NSUN2: variants seen among roughly 807,000 people sequenced by gnomAD.
NSUN2 encodes RNA cytosine C(5)-methyltransferase NSUN2.
A neutral mutation model predicts 92.7 loss-of-function variants in NSUN2; 63 were observed. That is an observed-to-expected ratio of 0.68 (90% CI 0.56 to 0.84). The LOEUF is 0.84. NSUN2 is among the 40% of genes least tolerant of loss of function. NSUN2 has a pLI of 0.00. For missense variants in NSUN2, 989 were observed against 964.9 expected (o/e 1.02, Z -0.33); for synonymous variants, 356 against 348.3 (o/e 1.02, Z -0.25).
chr5:6,607,395 G>C lies in NSUN2; in HGVS notation c.1324-11C>G, dbSNP rs1335398820. On this transcript the variant is annotated splice_polypyrimidine_tract_variant and intron_variant, in intron 12 of 18. Transcript: ENST00000264670. ...AGATTTACCCTGAAGCTGTCATAAA[G>C]AACAATTTCATTGACACACAAAGAG... is the stretch of plus-strand genomic sequence containing the variant. The C allele has an allele frequency of 6.3e-7, 1 of 1,598,542 alleles. No homozygotes were observed. The highest frequency in any genetic ancestry group is 1.3e-5 in the African/African-American group (1 of 74,452).
rs1736685688 is a variant in NSUN2 at position 6,604,610 on chromosome 5, G to C, written c.1813C>G (p.Gln605Glu). The C allele has an allele frequency of 2.5e-6, 4 of 1,613,838 alleles. No homozygotes were observed. Among genetic ancestry groups the C allele is most frequent in the Non-Finnish European group, 3.4e-6 (4 of 1,179,892 alleles). The change falls in exon 16 of 19, where the codon CAG (glutamine) becomes GAG (glutamate). Residue 605 changes from glutamine (Q) to glutamate (E), a missense_variant. Transcript: ENST00000264670. ...AAATCCACTTCCAAAATTACCTCCT[G>C]TGCCAGCCGGAAAGCACAGTCAAAC... ...EEFDCAFRLA[Q>E]EGIYTLYPFI...
chr5:6,630,537 A>C (rs576405437), intron 3 of NSUN2, among the ~76,000 whole-genome samples: 2 of 152,280 alleles, frequency 1.3e-5, no homozygotes, highest in African/African-American at 4.8e-5. Context: ...ATATCCCAGC[A>C]ACACATTCCA....
chr5:6,611,234 A>G, intron 10 of NSUN2, 149 bp from the exon 11 acceptor site: 2 of 852,342 alleles, frequency 2.3e-6, no homozygotes, highest in Non-Finnish European at 1.7e-6. Context: ...AGACAAAACA[A>G]AACAATCTTT....
chr5:6,612,414 ACAGT>A (rs1278032641), intron 9 of NSUN2, among the ~76,000 whole-genome samples: 6 of 152,230 alleles, frequency 3.9e-5, no homozygotes, highest in African/African-American at 1.4e-4. Context: ...CCATCGGGAC[ACAGT>A]CAGCCCAGTT....
intron 9 of NSUN2, 64 bp from the exon 10 acceptor site, chr5:6,611,862 G>T (rs945690095): frequency 2.2e-6 from 3 of 1,366,918 alleles, no homozygotes; most frequent in Non-Finnish European, 3.1e-6. Context: ...TATGCTCAGT[G>T]AAAAAAACCA....
chr5:6,622,799 A>G (rs1737499100), intron 5 of NSUN2, among the ~76,000 whole-genome samples: 1 of 150,784 alleles, frequency 6.6e-6, no homozygotes, highest in South Asian at 2.1e-4. Context: ...GTGAGCCAAG[A>G]TCGCGCCACT....
At chr5:6,619,697 G>A (rs1388563875) in intron 7 of NSUN2, among the ~76,000 whole-genome samples, 1 of 152,160 alleles carries the variant, frequency 6.6e-6, no homozygotes, top group Non-Finnish European at 1.5e-5. Context: ...ATGTGATTAC[G>A]TATTATTTTA....
Position 6,609,806 on chromosome 5 carries a change from T to C in NSUN2, c.1323+20A>G. The C allele has an allele frequency of 6.3e-7, 1 of 1,586,222 alleles. No homozygotes were observed. Among genetic ancestry groups the C allele is most frequent in the African/African-American group, 1.3e-5 (1 of 74,098 alleles). ...GTACAAGATCAAATGTTATGTCATT[T>C]TGGAAAAAGAAAAACTCACCTTTGG... On this transcript the variant is annotated intron_variant, in intron 12 of 18. Coordinates refer to ENST00000264670, the MANE Select transcript of NSUN2 (RefSeq NM_017755.6).
At chr5:6,621,716 C>G in intron 6 of NSUN2, 1 of 244,194 alleles carries the variant, frequency 4.1e-6, no homozygotes, top group Non-Finnish European at 8.0e-6. Context: ...CCACTGCACT[C>G]CAGCCTGGGC....
chr5:6,599,857 A>G lies in NSUN2; in HGVS notation c.*69T>C. On this transcript the variant is annotated 3_prime_UTR_variant, in exon 19 of 19. Coordinates refer to ENST00000264670, the MANE Select transcript of NSUN2 (RefSeq NM_017755.6). ...CACAGGCTGCTCTGGATTTGGTTTC[A>G]GACACCAGTGACCAGAAGAAGCCAG... 1 of 1,432,696 alleles carries G rather than the reference A, an allele frequency of 7.0e-7. No individual in the cohort carries two copies. The highest frequency in any genetic ancestry group is 9.6e-7 in the Non-Finnish European group (1 of 1,040,902). 88.7% of individuals were successfully genotyped at this position (1,432,696 alleles called of 1,614,324 possible).
chr5:6,621,788 C>A (rs1579374306), intron 6 of NSUN2: 41 of 406,128 alleles, frequency 1.0e-4, no homozygotes, highest in South Asian at 4.3e-4. Context: ...TTATAGAAAA[C>A]ACACATAATT....
chr5:6,611,151 A>G, intron 10 of NSUN2, 66 bp from the exon 11 acceptor site: 2 of 1,558,852 alleles, frequency 1.3e-6, no homozygotes, highest in Non-Finnish European at 1.8e-6. Context: ...ATCACAGGGC[A>G]GGAGTATCCA....
chr5:6,614,282 G>A (rs1419939001), intron 9 of NSUN2, among the ~76,000 whole-genome samples: 3 of 152,012 alleles, frequency 2.0e-5, no homozygotes, highest in Non-Finnish European at 2.9e-5. Flanking sequence ...AAAGACCAAT[G>A]AAAATCCACA....
chr5:6,618,847 T>C (rs1274478666), intron 7 of NSUN2, among the ~76,000 whole-genome samples: 2 of 152,246 alleles, frequency 1.3e-5, no homozygotes, highest in Non-Finnish European at 2.9e-5. Context: ...ACGCCTGTTT[T>C]TGTTGGCTTT....
intron 7 of NSUN2, among the ~76,000 whole-genome samples, chr5:6,618,608 A>C (rs1395998623): frequency 6.6e-6 from 1 of 152,186 alleles, no homozygotes; most frequent in African/African-American, 2.4e-5. Flanking sequence ...ATGACTAATA[A>C]ATTTTCCATA....
rs377145649 is a variant in NSUN2, at chr5:6,632,867, C to T, written c.96+17G>A. The T allele has an allele frequency of 9.8e-4, 1,505 of 1,536,448 alleles. 17 individuals are homozygous for T. In the African/African-American group the frequency reaches 0.019, roughly 19 times the overall value. Reference sequence around the variant, plus strand: ...CAGGAGGAGCCCCTGGCCCGCCCGCCGGGTCCCGGCTCCTACCGCCTCGCC... The same window carrying T: ...CAGGAGGAGCCCCTGGCCCGCCCGCTGGGTCCCGGCTCCTACCGCCTCGCC... On this transcript the variant is annotated intron_variant, in intron 1 of 18. Transcript: ENST00000264670.
At position 6,622,098 on chromosome 5, in the gene NSUN2, G is replaced by A; in HGVS notation, c.540C>T (p.Ile180=). ...AGCCAGGTGCTGCACACATATCTAA[G>A]ATCTATTAACAAAGCAAGAAACTGT... ...LLLNVRPHHK[I]LDMCAAPGSK... The change falls in exon 6 of 19, where the codon ATC becomes ATT. Residue 180 remains isoleucine, a splice_region_variant and synonymous_variant. Coordinates refer to ENST00000264670, the MANE Select transcript of NSUN2 (RefSeq NM_017755.6). 3.1e-6 allele frequency: 5 copies of A among 1,611,336 alleles called. No homozygotes were observed. The highest frequency in any genetic ancestry group is 4.2e-6 in the Non-Finnish European group (5 of 1,178,000).
chr5:6,611,992 G>A (rs1176640138), intron 9 of NSUN2, among the ~76,000 whole-genome samples, 194 bp from the exon 10 acceptor site: 1 of 152,204 alleles, frequency 6.6e-6, no homozygotes, highest in African/African-American at 2.4e-5. Flanking sequence ...GGCTCAGCTG[G>A]AATGGGGAGC....
intron 11 of NSUN2, 131 bp downstream of exon 11, chr5:6,610,824 C>T: frequency 1.9e-6 from 2 of 1,079,974 alleles, no homozygotes; most frequent in Non-Finnish European, 1.3e-6. Context: ...ATGGGGTTGA[C>T]CCTGGCATAA....
Sources: allele counts gnomAD v4.1 joint callset (sites outside exome capture counted in the v4.1 genomes callset), GRCh38; gene constraint gnomAD v4.1.1; transcripts MANE v1.5; gene names NCBI Gene and HGNC (gene_info 2026-07-23, HGNC 2026-07-21).